The following ALK variants were observed in gnomAD, a reference collection of about 807,000 sequenced individuals.
The protein encoded by ALK is ALK tyrosine kinase receptor.
A neutral mutation model predicts 163.1 loss-of-function variants in ALK; 74 were observed. The observed-to-expected ratio is 0.45, with a 90% CI of 0.38 to 0.55. The LOEUF (loss-of-function observed/expected upper bound fraction) is 0.55, where lower values mean the gene tolerates loss of function less well. Ranked by LOEUF, ALK falls within the 20% of genes least tolerant of loss-of-function variation. The pLI is 0.00. For synonymous variants in ALK, 960 were observed against 843.2 expected (o/e 1.14, Z -2.40); for missense variants, 2,063 against 2,105.3 (o/e 0.98, Z 0.39).
chr2:29,306,652 C>CAT (rs149922501), intron 8 of ALK, among the ~76,000 whole-genome samples: 1 of 151,086 alleles, frequency 6.6e-6, no homozygotes, highest in African/African-American at 2.4e-5. Flanking sequence ...AATTAACAGT[C>CAT]GTGTGTGTGT....
chr2:29,266,093 C>T (rs1041192205), intron 11 of ALK, among the ~76,000 whole-genome samples: 1 of 152,220 alleles, frequency 6.6e-6, no homozygotes, highest in Non-Finnish European at 1.5e-5. Context: ...AAGGTTTTGA[C>T]GCATCCATTG....
rs1369225668 is a variant in ALK, at chr2:29,673,021, GTTGT to G, written c.952+21825_952+21828del. ...TGTCCTTTGCCCACTTTTTGATGGGGTTGTTTGTTTTTTTCTTGTAAATTTGTTT... is the reference window on the plus strand; with the variant it reads ...TGTCCTTTGCCCACTTTTTGATGGGGTTGTTTTTTTCTTGTAAATTTGTTT... On this transcript the variant is annotated intron_variant, in intron 3 of 28. Transcript: ENST00000389048. 5.2e-3 allele frequency among the ~76,000 whole-genome samples: 636 copies of G among 122,902 alleles called. 11 individuals are homozygous for G. The highest frequency in any genetic ancestry group is 0.02 in the African/African-American group (550 of 27,640). 80.6% of individuals were successfully genotyped at this position (122,902 alleles called of 152,430 possible).
intron 5 of ALK, among the ~76,000 whole-genome samples, chr2:29,374,926 A>T (rs978038125): frequency 6.6e-6 from 1 of 152,180 alleles, no homozygotes; most frequent in African/African-American, 2.4e-5. Context: ...CTCCTTGGTG[A>T]TCACTTCCAA....
At position 29,446,559 on chromosome 2, in the gene ALK, C is replaced by T. The variant is rs553011424; in HGVS notation, c.1155-62700G>A. Among the ~76,000 whole-genome samples, 3 of 152,314 alleles carry T rather than the reference C, an allele frequency of 2.0e-5. No homozygotes were observed. In the East Asian group the frequency reaches 5.8e-4, roughly 29 times the overall value. On this transcript the variant is annotated intron_variant, in intron 4 of 28. Transcript: ENST00000389048. Reference sequence around the variant, plus strand: ...CTATTGACCCCTGGATACACTAAATCTGGGTTGTCGGAGCTTCTTAAAAAC... The same window carrying T: ...CTATTGACCCCTGGATACACTAAATTTGGGTTGTCGGAGCTTCTTAAAAAC...
intron 4 of ALK, among the ~76,000 whole-genome samples, chr2:29,456,592 A>G (rs1335000474): frequency 6.6e-6 from 1 of 152,164 alleles, no homozygotes. Context: ...ACTGGTACAG[A>G]ATTACAGTTT....
chr2:29,493,289 G>A (rs1558349113), intron 4 of ALK, among the ~76,000 whole-genome samples: 1 of 152,114 alleles, frequency 6.6e-6, no homozygotes, highest in East Asian at 1.9e-4. Context: ...TGTGATCTGG[G>A]CATCTCCAGT....
At chr2:29,733,419 C>T (rs1488968485) in intron 1 of ALK, among the ~76,000 whole-genome samples, 1 of 152,190 alleles carries the variant, frequency 6.6e-6, no homozygotes, top group East Asian at 1.9e-4. Context: ...GAGTTGAGAT[C>T]ATGGGTTTAG....
At chr2:29,743,575 T>G (rs991492607) in intron 1 of ALK, among the ~76,000 whole-genome samples, 9 of 152,232 alleles carry the variant, frequency 5.9e-5, no homozygotes, top group Non-Finnish European at 1.2e-4. Flanking sequence ...GATTCCTGTT[T>G]GACGTGGAGC....
At chr2:29,699,172 C>T (rs1678656850) in intron 2 of ALK, among the ~76,000 whole-genome samples, 1 of 152,184 alleles carries the variant, frequency 6.6e-6, no homozygotes, top group South Asian at 2.1e-4. Flanking sequence ...CAGCACAGTG[C>T]TCAGCCTTAA....
At chr2:29,637,528 G>A (rs1431315564) in intron 3 of ALK, among the ~76,000 whole-genome samples, 1 of 152,056 alleles carries the variant, frequency 6.6e-6, no homozygotes, top group East Asian at 1.9e-4. Flanking sequence ...GGCCAACATG[G>A]TGAAATCCCT....
chr2:29,620,502 G>T lies in ALK; in HGVS notation c.952+74348C>A, dbSNP rs191747722. ...ACTTTTCTCTTTTTTTTTGCGGGGT[G>T]GGGGGGTGGTGGGTGGGCACAATTT... On this transcript the variant is annotated intron_variant, in intron 3 of 28. Coordinates refer to ENST00000389048, the MANE Select transcript of ALK (RefSeq NM_004304.5). Among the ~76,000 whole-genome samples the T allele has an allele frequency of 8.2e-4, 124 of 150,846 alleles. 1 individual carries two copies. In the South Asian group the frequency reaches 8.9e-3, roughly 11 times the overall value.
chr2:29,636,989 G>A (rs1480654275), intron 3 of ALK, among the ~76,000 whole-genome samples: 1 of 152,174 alleles, frequency 6.6e-6, no homozygotes, highest in East Asian at 1.9e-4. Context: ...CATTGCTGAT[G>A]AGAGTAACAT....
chr2:29,517,191 A>G (rs1034109016), intron 4 of ALK, among the ~76,000 whole-genome samples: 13 of 152,166 alleles, frequency 8.5e-5, no homozygotes, highest in Non-Finnish European at 1.9e-4. Flanking sequence ...GCTGTCACAT[A>G]CAGAGAGGTT....
chr2:29,759,448 C>T lies in ALK; in HGVS notation c.668-41751G>A, dbSNP rs115531632. On this transcript the variant is annotated intron_variant, in intron 1 of 28. Coordinates refer to ENST00000389048, the MANE Select transcript of ALK (RefSeq NM_004304.5). ...GTGTGTGTGCATGTGTGCGTGCGTG[C>T]GTGTGTGCAAAAGTAAGTGGAGAGT... Among the ~76,000 whole-genome samples the T allele has an allele frequency of 7.4e-3, 1,130 of 152,066 alleles. 14 individuals carry two copies. The highest frequency in any genetic ancestry group is 0.026 in the African/African-American group (1,097 of 41,532).
chr2:29,462,737 G>A (rs1048938729), intron 4 of ALK, among the ~76,000 whole-genome samples: 1 of 152,142 alleles, frequency 6.6e-6, no homozygotes, highest in South Asian at 2.1e-4. Context: ...ATACTGAGAA[G>A]AAATGCAAGA....
intron 9 of ALK, among the ~76,000 whole-genome samples, chr2:29,291,648 G>A (rs971303276): frequency 2.6e-5 from 4 of 152,142 alleles, no homozygotes; most frequent in South Asian, 2.1e-4. Context: ...CTCAACAAAC[G>A]CTAGCTCTAA....
At chr2:29,592,794 T>C (rs1461367929) in intron 3 of ALK, among the ~76,000 whole-genome samples, 3 of 152,000 alleles carry the variant, frequency 2.0e-5, no homozygotes, top group Non-Finnish European at 2.9e-5. Flanking sequence ...GAGAAGAGAT[T>C]TGAGACCCAG....
At chr2:29,364,825 A>T (rs1415821516) in intron 5 of ALK, among the ~76,000 whole-genome samples, 1 of 152,246 alleles carries the variant, frequency 6.6e-6, no homozygotes, top group African/African-American at 2.4e-5. Flanking sequence ...TATTTTGAGC[A>T]TTGTACCATC....
chr2:29,853,984 G>A (rs558885249), intron 1 of ALK, among the ~76,000 whole-genome samples: 5 of 150,900 alleles, frequency 3.3e-5, no homozygotes, highest in South Asian at 2.1e-4. Flanking sequence ...ATCTGGGCTC[G>A]CTACAACCTT....
Sources: gnomAD v4.1 joint callset for allele counts (sites outside exome capture counted in the v4.1 genomes callset) on GRCh38, gnomAD v4.1.1 for gene constraint, MANE v1.5 for transcripts, NCBI Gene and HGNC (gene_info 2026-07-23, HGNC 2026-07-21) for gene names.